The following FOXN3 variants were observed in gnomAD, a reference collection of about 807,000 sequenced individuals.
FOXN3 encodes the protein forkhead box protein N3.
FOXN3 carries 7 observed loss-of-function variants against 38.4 expected under a neutral mutation model. The observed-to-expected ratio is 0.18, with a 90% CI of 0.10 to 0.34. The LOEUF is 0.34. FOXN3 is among the 10% of genes least tolerant of loss of function. FOXN3 has a pLI of 1.00. For missense variants in FOXN3, 456 were observed against 613.4 expected, an observed-to-expected ratio of 0.74 and a Z score of 2.71; for synonymous variants, 230 against 242.2, an observed-to-expected ratio of 0.95 and a Z score of 0.47.
chr14:89,379,342 C>T (rs776048052), intron 2 of FOXN3, among the ~76,000 whole-genome samples: 5 of 152,110 alleles, frequency 3.3e-5, no homozygotes, highest in African/African-American at 9.7e-5. Context: ...GATTCTAGAC[C>T]GTGGTTTCTC....
intron 3 of FOXN3, among the ~76,000 whole-genome samples, chr14:89,322,907 G>A (rs77023617): frequency 0.01 from 1,594 of 152,248 alleles, 21 homozygotes; most frequent in Non-Finnish European, 0.017. Context: ...GAAAGTCCCC[G>A]CTCTCAAGGA....
intron 5 of FOXN3, among the ~76,000 whole-genome samples, chr14:89,172,474 TG>T (rs1887414939): frequency 6.6e-6 from 1 of 152,202 alleles, no homozygotes; most frequent in Non-Finnish European, 1.5e-5. Flanking sequence ...GTCTTTTCTT[TG>T]TTTTTCTTGT....
At chr14:89,196,643 C>T (rs556294625) in intron 4 of FOXN3, among the ~76,000 whole-genome samples, 2 of 152,262 alleles carry the variant, frequency 1.3e-5, no homozygotes, top group East Asian at 1.9e-4. Flanking sequence ...AGCTAACAGC[C>T]TTAGTAAGGC....
chr14:89,360,563 G>GCAGA (rs1555421070), intron 2 of FOXN3, among the ~76,000 whole-genome samples: 3 of 139,914 alleles, frequency 2.1e-5, no homozygotes, highest in Non-Finnish European at 4.6e-5. Flanking sequence ...AAGGAGGTGA[G>GCAGA]GAGAGAGAGA....
At chr14:89,371,434 C>T (rs1890316532) in intron 2 of FOXN3, among the ~76,000 whole-genome samples, 2 of 151,994 alleles carry the variant, frequency 1.3e-5, no homozygotes, top group Admixed American at 6.6e-5. Flanking sequence ...CCAAGAAAAC[C>T]TCCCATCATG....
At chr14:89,220,211 G>C (rs963447661) in intron 4 of FOXN3, among the ~76,000 whole-genome samples, 7 of 152,184 alleles carry the variant, frequency 4.6e-5, no homozygotes, top group Non-Finnish European at 1.0e-4. Context: ...TTCAGACCAT[G>C]GAAAGTGGCA....
intron 4 of FOXN3, among the ~76,000 whole-genome samples, chr14:89,256,899 G>C (rs1885640815): frequency 6.6e-6 from 1 of 152,176 alleles, no homozygotes. Context: ...GAGCAGGTGA[G>C]ACCTCTGCAA....
intron 4 of FOXN3, among the ~76,000 whole-genome samples, chr14:89,261,672 G>A (rs1223899612): frequency 1.3e-5 from 2 of 152,150 alleles, no homozygotes; most frequent in Non-Finnish European, 1.5e-5. Flanking sequence ...GCTCACACCT[G>A]TAATCCCAGC....
intron 1 of FOXN3, among the ~76,000 whole-genome samples, chr14:89,479,646 C>A (rs372846717): frequency 4.6e-5 from 7 of 152,140 alleles, no homozygotes; most frequent in African/African-American, 1.7e-4. Context: ...ATGATTGTAA[C>A]AACCAAGTGG....
At chr14:89,512,390 A>G (rs1171703969) in intron 1 of FOXN3, among the ~76,000 whole-genome samples, 1 of 152,278 alleles carries the variant, frequency 6.6e-6, no homozygotes, top group African/African-American at 2.4e-5. Context: ...GCGGTTAAAT[A>G]TACCATTTTA....
At chr14:89,369,258 T>A (rs948994298) in intron 2 of FOXN3, among the ~76,000 whole-genome samples, 4 of 152,200 alleles carry the variant, frequency 2.6e-5, no homozygotes, top group African/African-American at 9.7e-5. Flanking sequence ...TACTGCTGAG[T>A]CACCTGGCCT....
At chr14:89,601,693 A>G (rs535447756) in intron 1 of FOXN3, among the ~76,000 whole-genome samples, 2 of 152,158 alleles carry the variant, frequency 1.3e-5, no homozygotes, top group Non-Finnish European at 2.9e-5. Flanking sequence ...TGGCCTGGAG[A>G]CAGGTCAGCC....
chr14:89,187,505 C>T (rs1887838458), intron 4 of FOXN3, among the ~76,000 whole-genome samples: 1 of 152,202 alleles, frequency 6.6e-6, no homozygotes, highest in Admixed American at 6.5e-5. Context: ...TGCCTTTAAC[C>T]ATTTTTGCAC....
intron 4 of FOXN3, among the ~76,000 whole-genome samples, chr14:89,255,627 C>G (rs1189302268): frequency 6.6e-6 from 1 of 152,138 alleles, no homozygotes; most frequent in Non-Finnish European, 1.5e-5. Context: ...ATAAATTGCA[C>G]ATGTCTGTTT....
At chr14:89,437,395 A>G (rs1402983837) in intron 1 of FOXN3, among the ~76,000 whole-genome samples, 1 of 152,086 alleles carries the variant, frequency 6.6e-6, no homozygotes, top group African/African-American at 2.4e-5. Context: ...TCTACCTCCA[A>G]GGGGGACAAA....
Position 89,614,365 on chromosome 14 carries a change from A to AT in FOXN3, c.-15+4662dup, listed in dbSNP as rs1896451544. Among the ~76,000 whole-genome samples the AT allele has an allele frequency of 4.6e-5, 7 of 152,354 alleles. No homozygotes were observed. The South Asian group carries it at 1.2e-3, about 27-fold the overall frequency. On this transcript the variant is annotated intron_variant, in intron 1 of 6. Coordinates refer to the FOXN3 transcript ENST00000345097. ...TTATAAATAAAAGGGGCCCTGGTTT[A>AT]TAAGTAACCCCTAAAAATATGCCTT...
At chr14:89,297,814 CA>C (rs567910054) in intron 3 of FOXN3, among the ~76,000 whole-genome samples, 2,136 of 150,272 alleles carry the variant, frequency 0.014, 45 homozygotes, top group African/African-American at 0.05. Context: ...CCTGATTCTA[CA>C]AAAAAAAAAT....
intron 1 of FOXN3, among the ~76,000 whole-genome samples, chr14:89,457,559 G>A (rs1292907206): frequency 6.6e-6 from 1 of 152,182 alleles, no homozygotes; most frequent in African/African-American, 2.4e-5. Context: ...CCTACTTGAA[G>A]GGAAGAAAGG....
At position 89,200,220 on chromosome 14, in the gene FOXN3, G is replaced by A. The variant is rs543405446; in HGVS notation, c.746-19414C>T. Reference sequence around the variant, plus strand: ...ATACAGTGACTGGTAAACTCTAAATGAAGAATGTACGGGCTCTGAGGAACA... The same window carrying A: ...ATACAGTGACTGGTAAACTCTAAATAAAGAATGTACGGGCTCTGAGGAACA... On this transcript the variant is annotated intron_variant, in intron 4 of 5. Transcript: ENST00000557258. 1.5e-3 allele frequency among the ~76,000 whole-genome samples: 232 copies of A among 152,306 alleles called. 2 individuals are homozygous for A. The highest frequency in any genetic ancestry group is 5.3e-3 in the African/African-American group (219 of 41,576).
Sources: allele counts gnomAD v4.1 joint callset (sites outside exome capture counted in the v4.1 genomes callset), GRCh38; gene constraint gnomAD v4.1.1; transcripts MANE v1.5; gene names NCBI Gene and HGNC (gene_info 2026-07-23, HGNC 2026-07-21).